The following TPM4 variants were observed in gnomAD, a reference collection of about 807,000 sequenced individuals.
The protein encoded by TPM4 is tropomyosin 4, also known as tropomyosin alpha-4 chain.
TPM4 carries 17 observed loss-of-function variants against 35.8 expected under a neutral mutation model. The observed-to-expected ratio is 0.47, with a 90% CI of 0.32 to 0.71. The LOEUF (loss-of-function observed/expected upper bound fraction) is 0.71. Ranked by LOEUF, TPM4 falls within the 30% of genes least tolerant of loss-of-function variation. The pLI, the probability that TPM4 is intolerant of heterozygous loss-of-function variation, is 0.03. For synonymous variants in TPM4, 120 were observed against 122.9 expected (o/e 0.98, Z 0.15); for missense variants, 240 against 320.9 (o/e 0.75, Z 1.93).
intron 7 of TPM4, among the ~76,000 whole-genome samples, chr19:16,097,642 T>A (rs973873968): frequency 6.6e-6 from 1 of 152,066 alleles, no homozygotes; most frequent in Non-Finnish European, 1.5e-5. Flanking sequence ...TGCATCTGGT[T>A]CTCCCCTGCA....
chr19:16,088,439 G>T, intron 4 of TPM4: 2 of 1,137,846 alleles, frequency 1.8e-6, no homozygotes, highest in Non-Finnish European at 1.1e-6. Flanking sequence ...GCTCCAGAAG[G>T]CAGGCTCCCC....
At chr19:16,078,092 C>A (rs921736709) in intron 1 of TPM4, 3 of 398,416 alleles carry the variant, frequency 7.5e-6, no homozygotes, top group Non-Finnish European at 1.3e-5. Context: ...TTTTCTCTGC[C>A]CTGGGAAGAG....
Position 16,076,670 on chromosome 19 carries a change from G to A in TPM4, c.105G>A (p.Leu35=). Residue 35 remains leucine (L), a synonymous_variant, in exon 1 of 8, where the codon CTG becomes CTA. Transcript: ENST00000643579. ...EDRAQGLQRE[L]DGERERREKA... Reference sequence around the variant, plus strand: ...GCGCGCAGGGCCTGCAGCGGGAGCTGGACGGCGAGCGCGAGCGGCGCGAGA... The same window carrying A: ...GCGCGCAGGGCCTGCAGCGGGAGCTAGACGGCGAGCGCGAGCGGCGCGAGA... 1.4e-6 allele frequency: 2 copies of A among 1,398,236 alleles called. No individual in the cohort carries two copies. The highest frequency in any genetic ancestry group is 1.5e-5 in the South Asian group (1 of 67,552). 86.6% of individuals were successfully genotyped at this position (1,398,236 alleles called of 1,614,324 possible). A position where few individuals can be genotyped will look rare whatever the true frequency, so the allele number is the denominator to read the frequency against.
chr19:16,095,073 G>A (rs1426660002), intron 7 of TPM4, among the ~76,000 whole-genome samples: 1 of 152,190 alleles, frequency 6.6e-6, no homozygotes, highest in Non-Finnish European at 1.5e-5. Flanking sequence ...AAACCACTTA[G>A]AGATCAACTC....
intron 3 of TPM4, among the ~76,000 whole-genome samples, 170 bp from the exon 4 acceptor site, chr19:16,087,857 G>A (rs1256286086): frequency 6.6e-6 from 1 of 152,164 alleles, no homozygotes; most frequent in Non-Finnish European, 1.5e-5. Context: ...CTCCAGCCTG[G>A]GCAACAGAGG....
chr19:16,088,081 G>A lies in TPM4; in HGVS notation c.439G>A (p.Ala147Thr). The A allele has an allele frequency of 6.2e-7, 1 of 1,612,204 alleles. No homozygotes were observed. Among genetic ancestry groups the A allele is most frequent in the South Asian group, 1.1e-5 (1 of 90,448 alleles). ...EGELERAEER[A>T]EVSELKCGDL... ...TGAGCTGGAGAGGGCAGAGGAGCGT[G>A]CGGAGGTGTCTGAACTGTGAGTGGC... Residue 147 changes from alanine (A) to threonine (T), a missense_variant, in exon 4 of 8, where the codon GCG (alanine) becomes ACG (threonine). Ala to Thr is a moderately conservative substitution (Grantham distance 58). Transcript: ENST00000643579.
rs375899226 is a variant in TPM4, at chr19:16,089,963, A to G, written c.531+843A>G. On this transcript the variant is annotated intron_variant, in intron 5 of 7. Coordinates refer to ENST00000643579, the MANE Select transcript of TPM4 (RefSeq NM_003290.3). ...AGCCTTCGACTCCCAAGTTCAAGCA[A>G]TTCTCCCACCTCAGCCTCCCGATTA... 1.5e-4 allele frequency among the ~76,000 whole-genome samples: 23 copies of G among 151,848 alleles called. No individual in the cohort carries two copies. The East Asian group carries it at 4.1e-3, about 27-fold the overall frequency.
In TPM4 at chr19:16,070,754, C is replaced by G. The variant is rs766175134; in HGVS notation, c.114+3016C>G. ...TACTTCCCCTTTGGGCCTCCCCAGC[C>G]CCCCGTGCCCCAGGGCTGCCCTAAG... On this transcript the variant is annotated intron_variant, in intron 2 of 2. Transcript: ENST00000589897. This position sits in a 1 kb window ranked among gnomAD's most constrained non-coding sequence, Gnocchi z 7.4. Among the ~76,000 whole-genome samples the G allele has an allele frequency of 6.6e-6, 1 of 152,060 alleles. No individual in the cohort carries two copies. Among genetic ancestry groups the G allele is most frequent in the African/African-American group, 2.4e-5 (1 of 41,404 alleles).
chr19:16,073,271 T>C (rs558993283), upstream of TPM4, among the ~76,000 whole-genome samples: 3 of 152,158 alleles, frequency 2.0e-5, no homozygotes, highest in Admixed American at 6.6e-5. Flanking sequence ...TCTTCCTACA[T>C]GTTAGGAGAG....
chr19:16,081,818 G>A lies in TPM4; in HGVS notation c.133-95G>A, dbSNP rs2090486133. On this transcript the variant is annotated intron_variant, in intron 1 of 7. Coordinates refer to ENST00000643579, the MANE Select transcript of TPM4 (RefSeq NM_003290.3). ...GGACTCCTGGGTGGGCTTTGACGGG[G>A]AAGATCAGGTTAACAGAGGGCAGGA... is the stretch of plus-strand genomic sequence containing the variant. The A allele has an allele frequency of 7.1e-6, 10 of 1,408,664 alleles. No individual in the cohort carries two copies. The East Asian group carries it at 2.3e-4, about 33-fold the overall frequency. 87.3% of individuals were successfully genotyped at this position (1,408,664 alleles called of 1,614,324 possible). A position where few individuals can be genotyped will look rare whatever the true frequency, so the allele number is the denominator to read the frequency against.
At chr19:16,101,226 A>G in intron 7 of TPM4, 38 bp from the exon 8 acceptor site, 1 of 1,449,446 alleles carries the variant, frequency 6.9e-7, no homozygotes, top group South Asian at 1.3e-5. Context: ...AAAGACGCTT[A>G]TTAATTTATC....
intron 1 of TPM4, among the ~76,000 whole-genome samples, chr19:16,079,281 G>T (rs1479997540): frequency 3.9e-5 from 6 of 152,114 alleles, no homozygotes; most frequent in Admixed American, 1.3e-4. Context: ...ACTGCTAATG[G>T]GTACACAGTT....
Position 16,086,513 on chromosome 19 carries a change from G to A in TPM4, c.357G>A (p.Ala119=), listed in dbSNP as rs748976108. ...EMQLKEAKHI[A]EEADRKYEEV... is the part of the protein sequence containing the mutation. The stretch of plus-strand genomic sequence containing the variant: ...AGCTCAAAGAGGCCAAGCACATTGC[G>A]GAAGAGGCTGACCGCAAATACGAGG... Residue 119 remains alanine, a synonymous_variant, in exon 3 of 8, where the codon GCG becomes GCA. Transcript: ENST00000643579. The A allele has an allele frequency of 9.3e-6, 15 of 1,613,794 alleles. No homozygotes were observed. Among genetic ancestry groups the A allele is most frequent in the Middle Eastern group, 1.7e-4 (1 of 6,060 alleles).
intron 1 of TPM4, chr19:16,080,936 A>G: frequency 5.0e-6 from 2 of 398,326 alleles, no homozygotes; most frequent in East Asian, 7.1e-5. Context: ...TTGAAAAGCC[A>G]ATAACACTAT....
At chr19:16,075,904 C>T, upstream of TPM4, 1 of 1,226,752 alleles carries the variant, frequency 8.2e-7, no homozygotes, top group Non-Finnish European at 1.1e-6. Context: ...TGCATGCTAT[C>T]GCAACCCCTG....
intron 7 of TPM4, 66 bp downstream of exon 7, chr19:16,093,819 G>A (rs2090658983): frequency 8.9e-6 from 14 of 1,577,070 alleles, no homozygotes; most frequent in Non-Finnish European, 1.1e-5. Flanking sequence ...TCCACGGACA[G>A]TTGGGGAATG....
At chr19:16,084,289 T>C (rs1310978908) in intron 2 of TPM4, among the ~76,000 whole-genome samples, 1 of 152,200 alleles carries the variant, frequency 6.6e-6, no homozygotes, top group Admixed American at 6.6e-5. Flanking sequence ...GGAGATTGCA[T>C]GTCACCCAAG....
chr19:16,078,585 C>G (rs1221800097), intron 1 of TPM4, among the ~76,000 whole-genome samples: 1 of 152,206 alleles, frequency 6.6e-6, no homozygotes, highest in Non-Finnish European at 1.5e-5. Flanking sequence ...ACCGACACAG[C>G]TCTTGCTCTG....
chr19:16,076,472 G>T, upstream of TPM4: 14 of 1,334,824 alleles, frequency 1.0e-5, no homozygotes, highest in Non-Finnish European at 1.3e-5. Flanking sequence ...GCAGGCAAAG[G>T]CTTGGGGGGC....
Sources: gnomAD v4.1 joint callset for allele counts (sites outside exome capture counted in the v4.1 genomes callset) on GRCh38, gnomAD v4.1.1 for gene constraint, Gnocchi (gnomAD v3.1) non-coding constraint, MANE v1.5 for transcripts, NCBI Gene and HGNC (gene_info 2026-07-23, HGNC 2026-07-21) for gene names.